The following MTPAP variants were observed in gnomAD, a reference collection of about 807,000 sequenced individuals.
MTPAP encodes the protein mitochondrial poly(A) polymerase.
A neutral mutation model predicts 48.7 loss-of-function variants in MTPAP; 23 were observed. The ratio of observed to expected loss-of-function variants is 0.47; its 90% CI spans 0.34 to 0.67. MTPAP has a LOEUF of 0.67. MTPAP is among the 30% of genes least tolerant of loss of function. The pLI is 0.01. For missense variants in MTPAP, 614 were observed against 694.3 expected (o/e 0.88, Z 1.30); for synonymous variants, 257 against 254.1 (o/e 1.01, Z -0.11).
intron 6 of MTPAP, among the ~76,000 whole-genome samples, chr10:30,319,231 C>A (rs549160441): frequency 6.6e-6 from 1 of 152,204 alleles, no homozygotes; most frequent in East Asian, 1.9e-4. Context: ...TGATAAAGGG[C>A]CCTGCATACA....
intron 8 of MTPAP, among the ~76,000 whole-genome samples, chr10:30,314,595 C>T (rs1840637875): frequency 6.6e-6 from 1 of 151,914 alleles, no homozygotes; most frequent in Non-Finnish European, 1.5e-5. Context: ...TAGTATCTCA[C>T]AGAAATAAAA....
intron 6 of MTPAP, among the ~76,000 whole-genome samples, chr10:30,320,955 G>C (rs1163589924): frequency 6.6e-6 from 1 of 152,192 alleles, no homozygotes; most frequent in East Asian, 1.9e-4. Flanking sequence ...AAAAGGAAGT[G>C]CTACTTACAG....
rs1224968490 is a variant in MTPAP, at chr10:30,311,880, G to C, written c.*1729C>G. ...TACTCCACAGAAGCCAGGTGCAGTG[G>C]CTCACGCCTGTAATTCCAACACTTT... On this transcript the variant is annotated 3_prime_UTR_variant, in exon 9 of 9. Coordinates refer to ENST00000263063, the MANE Select transcript of MTPAP (RefSeq NM_018109.4). 6.6e-6 allele frequency: 1 copy of C among 152,640 alleles called. No individual in the cohort carries two copies. The highest frequency in any genetic ancestry group is 2.4e-5 in the African/African-American group (1 of 41,476). 9.5% of individuals were successfully genotyped at this position (152,640 alleles called of 1,614,324 possible).
chr10:30,341,372 A>G (rs780385573), intron 2 of MTPAP, 96 bp downstream of exon 2: 56 of 1,477,852 alleles, frequency 3.8e-5, no homozygotes, highest in African/African-American at 8.5e-5. Flanking sequence ...GAACCTACCT[A>G]CCATATTGCA....
chr10:30,329,029 A>T (rs1407768511), intron 4 of MTPAP, among the ~76,000 whole-genome samples: 1 of 151,968 alleles, frequency 6.6e-6, no homozygotes, highest in African/African-American at 2.4e-5. Context: ...GGATCACTTG[A>T]GGTCAGGAGT....
At chr10:30,345,546 C>T (rs565480642) in intron 1 of MTPAP, among the ~76,000 whole-genome samples, 1 of 152,226 alleles carries the variant, frequency 6.6e-6, no homozygotes, top group South Asian at 2.1e-4. Context: ...AAGCCGTAAA[C>T]AACAGTAGGT....
intron 6 of MTPAP, among the ~76,000 whole-genome samples, chr10:30,320,264 A>C (rs1840706294): frequency 6.6e-6 from 1 of 151,826 alleles, no homozygotes; most frequent in Non-Finnish European, 1.5e-5. Context: ...ACAGTGGCTC[A>C]CGCCTGTAAT....
chr10:30,327,499 A>AAAATAAATAAATAAATAAAT (rs55642261), intron 4 of MTPAP, among the ~76,000 whole-genome samples: 21 of 138,994 alleles, frequency 1.5e-4, no homozygotes, highest in African/African-American at 4.8e-4. Context: ...ACTCCATTTC[A>AAAATAAATAAATAAATAAAT]AAATAAATAA....
At chr10:30,342,737 G>A (rs1365928139) in intron 1 of MTPAP, among the ~76,000 whole-genome samples, 3 of 152,090 alleles carry the variant, frequency 2.0e-5, no homozygotes, top group South Asian at 4.1e-4. Flanking sequence ...TTTCTCAAGG[G>A]TCTTGATCTG....
chr10:30,323,409 G>A (rs1212020335), intron 5 of MTPAP, among the ~76,000 whole-genome samples: 7 of 122,060 alleles, frequency 5.7e-5, no homozygotes, highest in African/African-American at 1.5e-4. Context: ...CCGAGAAAGC[G>A]TTATTGCACT....
At position 30,313,510 on chromosome 10, in the gene MTPAP, G is replaced by A; in HGVS notation, c.*99C>T. 3 of 1,494,436 alleles carry A rather than the reference G, an allele frequency of 2.0e-6. No homozygotes were observed. Among genetic ancestry groups the A allele is most frequent in the Non-Finnish European group, 2.8e-6 (3 of 1,079,968 alleles). The allele number at this position is 1,494,436 out of a possible 1,614,324, so 92.6% of individuals were successfully genotyped here. A position where few individuals can be genotyped will look rare whatever the true frequency, so the allele number is the denominator to read the frequency against. On this transcript the variant is annotated 3_prime_UTR_variant, in exon 9 of 9. Coordinates refer to ENST00000263063, the MANE Select transcript of MTPAP (RefSeq NM_018109.4). Reference sequence around the variant, plus strand: ...AAGATCATGAAAAGTGACATCAGATGAAAGCTGAGATCTGTGAAAGTTTCA... The same window carrying A: ...AAGATCATGAAAAGTGACATCAGATAAAAGCTGAGATCTGTGAAAGTTTCA...
At chr10:30,332,485 G>A (rs1834680265) in intron 4 of MTPAP, among the ~76,000 whole-genome samples, 1 of 151,924 alleles carries the variant, frequency 6.6e-6, no homozygotes, top group Non-Finnish European at 1.5e-5. Context: ...GTAGAGACGG[G>A]GTTTCACTAC....
chr10:30,319,997 T>C (rs1360143439), intron 6 of MTPAP, among the ~76,000 whole-genome samples: 1 of 152,144 alleles, frequency 6.6e-6, no homozygotes, highest in Non-Finnish European at 1.5e-5. Context: ...ACTCAACAGG[T>C]CATTTAAAAT....
At chr10:30,321,400 CACTT>C (rs1165351542) in intron 6 of MTPAP, among the ~76,000 whole-genome samples, 24 of 152,098 alleles carry the variant, frequency 1.6e-4, no homozygotes, top group Admixed American at 1.0e-3. Context: ...ACAATATCAA[CACTT>C]ACAGTGTTAA....
At chr10:30,322,651 T>A in intron 5 of MTPAP, 34 bp from the exon 6 acceptor site, 1 of 1,474,774 alleles carries the variant, frequency 6.8e-7, no homozygotes, top group Non-Finnish European at 9.3e-7. Flanking sequence ...AATGTTCAAA[T>A]CCCCAAATTA....
Position 30,313,338 on chromosome 10 carries a change from T to C in MTPAP, c.*271A>G, listed in dbSNP as rs894676964. On this transcript the variant is annotated 3_prime_UTR_variant, in exon 9 of 9. Transcript: ENST00000263063. ...TCAAAATCCTGGGCTCAAGAGATCC[T>C]CCTGCCTCAGCCTCCTGAGCAGCTG... 1.2e-4 allele frequency: 53 copies of C among 446,308 alleles called. No individual in the cohort carries two copies. The East Asian group carries it at 2.2e-3, about 18-fold the overall frequency. 27.6% of individuals were successfully genotyped at this position (446,308 alleles called of 1,614,324 possible). A position where few individuals can be genotyped will look rare whatever the true frequency, so the allele number is the denominator to read the frequency against.
At chr10:30,327,546 C>T (rs1158226662) in intron 4 of MTPAP, among the ~76,000 whole-genome samples, 1 of 146,054 alleles carries the variant, frequency 6.8e-6, no homozygotes, top group Non-Finnish European at 1.5e-5. Context: ...AAATAAATTA[C>T]TAAAACTCAA....
chr10:30,320,838 C>T (rs1023146274), intron 6 of MTPAP, among the ~76,000 whole-genome samples: 1 of 152,216 alleles, frequency 6.6e-6, no homozygotes, highest in African/African-American at 2.4e-5. Context: ...CCTCCTTTTA[C>T]AGCTTCTACT....
At chr10:30,324,339 G>A (rs2489852) in intron 5 of MTPAP, among the ~76,000 whole-genome samples, 33,642 of 151,866 alleles carry the variant, frequency 0.22, 4,052 homozygotes, top group East Asian at 0.28. Flanking sequence ...GTAAGACCCT[G>A]TCTTTATAAA....
Sources: allele counts gnomAD v4.1 joint callset (sites outside exome capture counted in the v4.1 genomes callset), GRCh38; gene constraint gnomAD v4.1.1; transcripts MANE v1.5; gene names NCBI Gene and HGNC (gene_info 2026-07-23, HGNC 2026-07-21).